Variants in ARHGEF3 observed in about 807,000 individuals in gnomAD.
ARHGEF3 encodes the protein 59.8 kDA protein.
In ARHGEF3, 28 loss-of-function variants were observed where a neutral mutation model predicts 63.2. The ratio of observed to expected loss-of-function variants is 0.44; its 90% confidence interval spans 0.33 to 0.61. ARHGEF3 has a LOEUF of 0.61. ARHGEF3 is among the 20% of genes least tolerant of loss of function. ARHGEF3 has a pLI of 0.03. For missense variants in ARHGEF3, 533 were observed against 659.3 expected, an observed-to-expected ratio of 0.81 and a Z score of 2.10; for synonymous variants, 266 against 254.2, an observed-to-expected ratio of 1.05 and a Z score of -0.44.
chr3:56,948,984 C>A (rs1175856842), intron 3 of ARHGEF3, among the ~76,000 whole-genome samples: 2 of 152,054 alleles, frequency 1.3e-5, no homozygotes, highest in Admixed American at 6.5e-5. Context: ...ATACGCAAAT[C>A]AATAAACGTA....
chr3:57,050,175 T>C (rs1348470771), intron 1 of ARHGEF3, among the ~76,000 whole-genome samples: 3 of 152,188 alleles, frequency 2.0e-5, no homozygotes, highest in Non-Finnish European at 4.4e-5. Flanking sequence ...TGCTAACACG[T>C]TCTCCATTAC....
intron 1 of ARHGEF3, among the ~76,000 whole-genome samples, chr3:57,042,317 T>C (rs1438909879): frequency 6.6e-6 from 1 of 151,968 alleles, no homozygotes; most frequent in Non-Finnish European, 1.5e-5. Context: ...TGCACTAGCA[T>C]GGGAAACACA....
chr3:57,073,866 G>C, intron 1 of ARHGEF3: 2 of 1,614,198 alleles, frequency 1.2e-6, no homozygotes, highest in Non-Finnish European at 1.7e-6. Context: ...CCAGGGTCCA[G>C]GTGTCCTGCC....
intron 7 of ARHGEF3, among the ~76,000 whole-genome samples, chr3:56,744,275 T>C (rs1210129652): frequency 6.6e-6 from 1 of 152,156 alleles, no homozygotes; most frequent in Non-Finnish European, 1.5e-5. Context: ...AACGGTGCTC[T>C]CTGGGTGGAA....
intron 3 of ARHGEF3, among the ~76,000 whole-genome samples, chr3:56,893,852 A>T (rs1038427166): frequency 7.9e-6 from 1 of 125,976 alleles, no homozygotes; most frequent in Non-Finnish European, 1.7e-5. Context: ...AAAAAAAAAA[A>T]TCCACTGCCT....
Position 56,729,014 on chromosome 3 carries a change from C to T in ARHGEF3, c.*256G>A. The T allele has an allele frequency of 2.6e-6, 1 of 383,684 alleles. No homozygotes were observed. Among genetic ancestry groups the T allele is most frequent in the Non-Finnish European group, 4.6e-6 (1 of 215,324 alleles). 23.8% of individuals were successfully genotyped at this position (383,684 alleles called of 1,614,324 possible). A position where few individuals can be genotyped will look rare whatever the true frequency, so the allele number is the denominator to read the frequency against. The stretch of plus-strand genomic sequence containing the variant: ...AATCCAGCAGGACAACTGAAAGTAA[C>T]TTGTTTGAGTACCTCTCCATCCATC... On this transcript the variant is annotated 3_prime_UTR_variant, in exon 10 of 10. Transcript: ENST00000296315.
intron 4 of ARHGEF3, among the ~76,000 whole-genome samples, chr3:56,823,823 G>A (rs898669353): frequency 1.3e-5 from 2 of 152,070 alleles, no homozygotes; most frequent in Non-Finnish European, 2.9e-5. Context: ...ACTAATCTGT[G>A]AGCCAAACCA....
chr3:56,876,775 A>G (rs2040598129), intron 4 of ARHGEF3, among the ~76,000 whole-genome samples: 1 of 152,104 alleles, frequency 6.6e-6, no homozygotes, highest in South Asian at 2.1e-4. Context: ...CCCCACCAGC[A>G]TAGAAAAGAT....
intron 1 of ARHGEF3, among the ~76,000 whole-genome samples, chr3:56,791,969 G>C (rs7629147): frequency 0.28 from 42,805 of 151,618 alleles, 7,067 homozygotes; most frequent in Middle Eastern, 0.52. Flanking sequence ...GGCTGGGTGC[G>C]GTGGCTCACG....
At chr3:57,058,675 T>C (rs1180653379) in intron 1 of ARHGEF3, among the ~76,000 whole-genome samples, 4 of 152,136 alleles carry the variant, frequency 2.6e-5, no homozygotes, top group African/African-American at 7.2e-5. Flanking sequence ...ATCATGCTGC[T>C]ATAAAGACAC....
intron 2 of ARHGEF3, among the ~76,000 whole-genome samples, chr3:56,964,397 C>T (rs898918129): frequency 2.6e-5 from 4 of 151,314 alleles, no homozygotes; most frequent in East Asian, 1.9e-4. Context: ...AAATGGTCAG[C>T]TGGTACAATT....
At chr3:56,734,158 T>C (rs546019164) in intron 8 of ARHGEF3, among the ~76,000 whole-genome samples, 133 of 152,234 alleles carry the variant, frequency 8.7e-4, no homozygotes, top group Non-Finnish European at 1.4e-3. Context: ...GCAGGTGTGC[T>C]TGGTGGAGCT....
chr3:56,970,365 A>G (rs1700854142), intron 2 of ARHGEF3, among the ~76,000 whole-genome samples: 1 of 152,220 alleles, frequency 6.6e-6, no homozygotes, highest in Non-Finnish European at 1.5e-5. Context: ...TAACTACTCC[A>G]GAAGAGAAAA....
At chr3:56,963,192 A>G (rs1700353426) in intron 2 of ARHGEF3, among the ~76,000 whole-genome samples, 1 of 152,108 alleles carries the variant, frequency 6.6e-6, no homozygotes, top group South Asian at 2.1e-4. Context: ...ACAAAATTGA[A>G]GGAATAAATT....
intron 1 of ARHGEF3, among the ~76,000 whole-genome samples, chr3:57,040,501 A>AAAGACAAGAC (rs1704141082): frequency 7.4e-6 from 1 of 134,714 alleles, no homozygotes; most frequent in African/African-American, 2.7e-5. Flanking sequence ...AAAGAAAAGA[A>AAAGACAAGAC]AATACCAAAA....
intron 1 of ARHGEF3, among the ~76,000 whole-genome samples, chr3:57,059,691 T>C (rs1177663936): frequency 2.0e-5 from 3 of 152,108 alleles, no homozygotes; most frequent in African/African-American, 7.2e-5. Flanking sequence ...GGGGTGACAA[T>C]GAGGCTTTAA....
intron 3 of ARHGEF3, among the ~76,000 whole-genome samples, chr3:56,919,472 C>T (rs1373808861): frequency 6.6e-6 from 1 of 152,200 alleles, no homozygotes; most frequent in African/African-American, 2.4e-5. Flanking sequence ...CCCTGTCACG[C>T]ACATTTTTGA....
intron 4 of ARHGEF3, among the ~76,000 whole-genome samples, chr3:56,844,211 C>A (rs1354342725): frequency 2.0e-5 from 3 of 152,156 alleles, no homozygotes; most frequent in African/African-American, 7.2e-5. Context: ...ATTATTATTT[C>A]CCTTTGGAAT....
At chr3:56,824,797 G>A (rs936904590) in intron 4 of ARHGEF3, among the ~76,000 whole-genome samples, 1 of 152,216 alleles carries the variant, frequency 6.6e-6, no homozygotes, top group African/African-American at 2.4e-5. Context: ...GAAACTGTGG[G>A]AAGGAATGGA....
Sources: allele counts gnomAD v4.1 joint callset (sites outside exome capture counted in the v4.1 genomes callset), GRCh38; gene constraint gnomAD v4.1.1; transcripts MANE v1.5; gene names NCBI Gene and HGNC (gene_info 2026-07-23, HGNC 2026-07-21).